SAXO1: variants seen among roughly 807,000 people sequenced by gnomAD.
SAXO1 encodes the protein stabilizer of axonemal microtubules 1.
A neutral mutation model predicts 17.5 loss-of-function variants in SAXO1; 21 were observed. That is an observed-to-expected ratio of 1.20 (90% CI 0.85 to 1.72). The LOEUF is 1.72. SAXO1 is among the 40% of genes most tolerant of loss of function. The probability of loss-of-function intolerance (pLI) is 0.00; values close to 1 mark genes in which losing one functional copy is unlikely to be tolerated. For missense variants in SAXO1, 843 were observed against 596.0 expected, an observed-to-expected ratio of 1.41 and a Z score of -4.32; for synonymous variants, 274 against 216.5, an observed-to-expected ratio of 1.27 and a Z score of -2.33.
At chr9:19,005,626 A>C (rs964800358) in intron 1 of SAXO1, among the ~76,000 whole-genome samples, 2 of 152,220 alleles carry the variant, frequency 1.3e-5, no homozygotes, top group African/African-American at 4.8e-5. Flanking sequence ...ACAAAAACTA[A>C]CTCAAAATGG....
chr9:18,964,742 T>C (rs1055143974), intron 1 of SAXO1, among the ~76,000 whole-genome samples: 9 of 152,222 alleles, frequency 5.9e-5, no homozygotes, highest in African/African-American at 2.2e-4. Context: ...GGGTTTCTCA[T>C]GTCTCTAACT....
chr9:19,007,369 G>A (rs1834528230), intron 1 of SAXO1, among the ~76,000 whole-genome samples: 1 of 151,856 alleles, frequency 6.6e-6, no homozygotes. Flanking sequence ...AAAATAAACT[G>A]GTTAAAATGT....
chr9:19,033,148 C>T lies in SAXO1; in HGVS notation c.-240G>A. 2.2e-6 allele frequency: 1 copy of T among 459,734 alleles called. No individual in the cohort carries two copies. The allele number at this position is 459,734 out of a possible 1,614,324, so 28.5% of individuals were successfully genotyped here. Reference sequence around the variant, plus strand: ...GCACGCGCGCCAGCCCGGGAGACCTCACCCTGCACGCCACCGCCCCGGCCT... The same window carrying T: ...GCACGCGCGCCAGCCCGGGAGACCTTACCCTGCACGCCACCGCCCCGGCCT... On this transcript the variant is annotated 5_prime_UTR_variant, in exon 1 of 4. Coordinates refer to ENST00000380534, the MANE Select transcript of SAXO1 (RefSeq NM_153707.4).
At chr9:18,981,088 C>T (rs1037887790) in intron 1 of SAXO1, among the ~76,000 whole-genome samples, 6 of 152,186 alleles carry the variant, frequency 3.9e-5, no homozygotes, top group Non-Finnish European at 8.8e-5. Flanking sequence ...ACTTCAAAGT[C>T]TTTCCAAGGA....
intron 1 of SAXO1, among the ~76,000 whole-genome samples, chr9:19,010,150 AACAACAAC>A (rs1026357925): frequency 1.1e-3 from 31 of 27,846 alleles, no homozygotes; most frequent in Middle Eastern, 0.019. Context: ...TCTAAAAAAA[AACAACAAC>A]AACAACAAAA....
intron 1 of SAXO1, among the ~76,000 whole-genome samples, chr9:19,024,282 T>A (rs1226488163): frequency 1.3e-5 from 2 of 151,774 alleles, no homozygotes; most frequent in Non-Finnish European, 2.9e-5. Context: ...TACCCTTTCC[T>A]CCAGGGCCTG....
chr9:18,943,469 A>T (rs1588417665), intron 2 of SAXO1, among the ~76,000 whole-genome samples: 1 of 152,180 alleles, frequency 6.6e-6, no homozygotes. Flanking sequence ...GCACTAAACC[A>T]ATTGTAGCAG....
rs551763706 is a variant in SAXO1 at position 18,986,356 on chromosome 9, T to G, written c.39-35419A>C. 2.0e-5 allele frequency among the ~76,000 whole-genome samples: 3 copies of G among 152,370 alleles called. No individual in the cohort carries two copies. In the South Asian group the frequency reaches 6.2e-4, roughly 32 times the overall value. ...ATTTATCACCCTTAGAATATTCCATTGAGGTCCTATTTGAGTAAAAGTTTT... is the reference window on the plus strand; with the variant it reads ...ATTTATCACCCTTAGAATATTCCATGGAGGTCCTATTTGAGTAAAAGTTTT... On this transcript the variant is annotated intron_variant, in intron 1 of 3. Coordinates refer to ENST00000380534, the MANE Select transcript of SAXO1 (RefSeq NM_153707.4).
At chr9:18,953,308 C>T (rs942303029) in intron 1 of SAXO1, among the ~76,000 whole-genome samples, 1 of 152,130 alleles carries the variant, frequency 6.6e-6, no homozygotes, top group Non-Finnish European at 1.5e-5. Flanking sequence ...TTTCATATAA[C>T]CCCCTTTCCA....
chr9:19,031,772 C>T (rs73435303), intron 1 of SAXO1, among the ~76,000 whole-genome samples: 2,460 of 152,238 alleles, frequency 0.016, 74 homozygotes, highest in African/African-American at 0.056. Flanking sequence ...ATCAATTCAA[C>T]GGCCTGAGCA....
chr9:19,030,846 T>C (rs921332785), intron 1 of SAXO1, among the ~76,000 whole-genome samples: 2 of 152,070 alleles, frequency 1.3e-5, no homozygotes, highest in Admixed American at 6.6e-5. Context: ...TGTTTGAAGG[T>C]TGTTGAAGTT....
intron 1 of SAXO1, among the ~76,000 whole-genome samples, chr9:19,011,701 G>A (rs1260174252): frequency 6.6e-6 from 1 of 152,144 alleles, no homozygotes. Context: ...AAAATTACCA[G>A]TTTTAACAAC....
At chr9:19,028,686 C>G (rs565134281) in intron 1 of SAXO1, among the ~76,000 whole-genome samples, 1 of 152,122 alleles carries the variant, frequency 6.6e-6, no homozygotes, top group African/African-American at 2.4e-5. Flanking sequence ...AGATTTTGAT[C>G]TTCAAGGAAA....
At chr9:18,988,697 T>C (rs1447097802) in intron 1 of SAXO1, among the ~76,000 whole-genome samples, 2 of 152,230 alleles carry the variant, frequency 1.3e-5, no homozygotes, top group East Asian at 3.8e-4. Context: ...AATGCTATTA[T>C]TTTAAATTAT....
At chr9:18,963,207 T>C (rs1321698265) in intron 1 of SAXO1, among the ~76,000 whole-genome samples, 1 of 152,208 alleles carries the variant, frequency 6.6e-6, no homozygotes, top group African/African-American at 2.4e-5. Flanking sequence ...CGTAGCCTTG[T>C]AGTATAGTTT....
At chr9:18,977,953 G>A (rs1173186041) in intron 1 of SAXO1, among the ~76,000 whole-genome samples, 1 of 137,512 alleles carries the variant, frequency 7.3e-6, no homozygotes, top group Non-Finnish European at 1.5e-5. Context: ...CCTAGATCAT[G>A]CCACTGCACT....
chr9:18,941,497 A>G, intron 3 of SAXO1, 140 bp downstream of exon 3: 1 of 841,810 alleles, frequency 1.2e-6, no homozygotes, highest in Non-Finnish European at 1.8e-6. Flanking sequence ...ATACAAAAAC[A>G]GGCTGCTGGC....
chr9:18,939,710 G>C (rs73648804), intron 3 of SAXO1, among the ~76,000 whole-genome samples: 11,456 of 152,290 alleles, frequency 0.075, 551 homozygotes, highest in African/African-American at 0.14. Context: ...CAAGGCATCA[G>C]AGGAGGCAGA....
intron 2 of SAXO1, among the ~76,000 whole-genome samples, chr9:18,950,116 C>T (rs1177001933): frequency 1.3e-5 from 2 of 152,074 alleles, no homozygotes; most frequent in African/African-American, 4.8e-5. Context: ...TTTTCTGCAC[C>T]CCCTCAGTAG....
Sources: gnomAD v4.1 joint callset for allele counts (sites outside exome capture counted in the v4.1 genomes callset) on GRCh38, gnomAD v4.1.1 for gene constraint, MANE v1.5 for transcripts, NCBI Gene and HGNC (gene_info 2026-07-23, HGNC 2026-07-21) for gene names.